The following RCAN2 variants were observed in gnomAD, a reference collection of about 807,000 sequenced individuals.
RCAN2 encodes the protein regulator of calcineurin 2.
RCAN2 carries 9 observed loss-of-function variants against 23.6 expected under a neutral mutation model. The ratio of observed to expected loss-of-function variants is 0.38; its 90% CI spans 0.23 to 0.67. The LOEUF is 0.67. Ranked by LOEUF, RCAN2 falls within the 30% of genes least tolerant of loss-of-function variation. RCAN2 has a pLI of 0.51. For missense variants in RCAN2, 273 were observed against 302.3 expected, an observed-to-expected ratio of 0.90 and a Z score of 0.72; for synonymous variants, 109 against 115.7, an observed-to-expected ratio of 0.94 and a Z score of 0.37.
At chr6:46,421,071 A>G (rs534919122) in intron 2 of RCAN2, among the ~76,000 whole-genome samples, 102 of 152,324 alleles carry the variant, frequency 6.7e-4, no homozygotes, top group African/African-American at 2.3e-3. Flanking sequence ...AGTTGTTTTG[A>G]TAATGAAATG....
intron 2 of RCAN2, among the ~76,000 whole-genome samples, chr6:46,296,281 C>T (rs968430695): frequency 2.0e-5 from 3 of 147,794 alleles, no homozygotes; most frequent in Non-Finnish European, 2.9e-5. Flanking sequence ...TTGACAATAC[C>T]ATGTTTCTGA....
At chr6:46,294,650 C>T (rs915295568) in intron 2 of RCAN2, among the ~76,000 whole-genome samples, 2 of 151,906 alleles carry the variant, frequency 1.3e-5, no homozygotes, top group Non-Finnish European at 2.9e-5. Flanking sequence ...GGGATAATGC[C>T]TTATGTGTTG....
At chr6:46,343,043 A>T (rs2150373927) in intron 2 of RCAN2, among the ~76,000 whole-genome samples, 1 of 152,334 alleles carries the variant, frequency 6.6e-6, no homozygotes, top group Non-Finnish European at 1.5e-5. Context: ...AAAGATATTA[A>T]TGCATAAATC....
intron 2 of RCAN2, among the ~76,000 whole-genome samples, chr6:46,342,076 C>T: frequency 6.6e-6 from 1 of 152,120 alleles, no homozygotes; most frequent in Admixed American, 6.5e-5. Context: ...AAATCACATT[C>T]CTCTTTGACT....
At chr6:46,226,183 C>T (rs562063464) in intron 4 of RCAN2, among the ~76,000 whole-genome samples, 44 of 152,316 alleles carry the variant, frequency 2.9e-4, no homozygotes, top group African/African-American at 1.0e-3. Context: ...ATTTTGGTTA[C>T]TGTAGACTTG....
intron 2 of RCAN2, among the ~76,000 whole-genome samples, chr6:46,363,798 C>T (rs966243564): frequency 2.1e-4 from 4 of 18,846 alleles, no homozygotes; most frequent in Admixed American, 9.4e-4. Context: ...TAATGATTCT[C>T]ATGCAAATAA....
At chr6:46,345,541 AT>A (rs1263934357) in intron 2 of RCAN2, among the ~76,000 whole-genome samples, 1 of 152,166 alleles carries the variant, frequency 6.6e-6, no homozygotes, top group Non-Finnish European at 1.5e-5. Context: ...AGGATCAAAA[AT>A]AATGTAAATA....
At chr6:46,270,076 G>C (rs1177923139) in intron 2 of RCAN2, among the ~76,000 whole-genome samples, 5 of 152,160 alleles carry the variant, frequency 3.3e-5, no homozygotes, top group Non-Finnish European at 7.4e-5. Context: ...GAGGATCTGG[G>C]CTGCTCATCA....
intron 2 of RCAN2, among the ~76,000 whole-genome samples, chr6:46,398,826 G>A (rs867162580): frequency 4.6e-5 from 7 of 151,828 alleles, no homozygotes; most frequent in African/African-American, 1.7e-4. Context: ...AGCATCTTCA[G>A]TCATTCCATA....
chr6:46,250,644 C>T (rs545839498), intron 2 of RCAN2, among the ~76,000 whole-genome samples: 1 of 152,280 alleles, frequency 6.6e-6, no homozygotes, highest in South Asian at 2.1e-4. Context: ...CAGGACCAGG[C>T]CAAAGTCCTT....
rs1250929588 is a variant in RCAN2 at position 46,316,409 on chromosome 6, C to A, written c.226-67513G>T. The stretch of plus-strand genomic sequence containing the variant: ...GGATCCTTGCTCAAGGTCACACTAT[C>A]AAGTGGCCTAGAGGTCAAGTAGAGA... On this transcript the variant is annotated intron_variant, in intron 2 of 4. Transcript: ENST00000371374. Among the ~76,000 whole-genome samples, 8 of 152,126 alleles carry A rather than the reference C, an allele frequency of 5.3e-5. No homozygotes were observed. The East Asian group carries it at 1.4e-3, about 26-fold the overall frequency.
At chr6:46,285,430 C>G (rs548075823) in intron 2 of RCAN2, among the ~76,000 whole-genome samples, 47 of 152,238 alleles carry the variant, frequency 3.1e-4, no homozygotes, top group African/African-American at 9.9e-4. Flanking sequence ...GTAAGAATTA[C>G]CTGGAGAGCT....
At chr6:46,269,103 C>A (rs1767438989) in intron 2 of RCAN2, among the ~76,000 whole-genome samples, 1 of 152,112 alleles carries the variant, frequency 6.6e-6, no homozygotes, top group Admixed American at 6.5e-5. Flanking sequence ...TTCATAGTTT[C>A]TTCACACTCA....
At chr6:46,248,353 C>T (rs75911856) in intron 3 of RCAN2, among the ~76,000 whole-genome samples, 12 of 152,118 alleles carry the variant, frequency 7.9e-5, no homozygotes, top group East Asian at 3.8e-4. Context: ...GCTGTGATTA[C>T]GTCATTCTTA....
At chr6:46,267,412 G>C (rs992113463) in intron 2 of RCAN2, among the ~76,000 whole-genome samples, 1 of 152,174 alleles carries the variant, frequency 6.6e-6, no homozygotes, top group Non-Finnish European at 1.5e-5. Context: ...TCGGTATGGT[G>C]GTTCACGCCT....
intron 2 of RCAN2, among the ~76,000 whole-genome samples, chr6:46,279,483 G>T (rs979628535): frequency 6.6e-6 from 1 of 152,168 alleles, no homozygotes; most frequent in African/African-American, 2.4e-5. Context: ...TCCACTAAAT[G>T]CCAGTAGCAT....
chr6:46,362,401 A>G (rs1765043946), intron 2 of RCAN2, among the ~76,000 whole-genome samples: 1 of 152,106 alleles, frequency 6.6e-6, no homozygotes, highest in Non-Finnish European at 1.5e-5. Context: ...GATATAACAT[A>G]TTATATATTG....
At chr6:46,338,042 C>A (rs928192943) in intron 2 of RCAN2, among the ~76,000 whole-genome samples, 3 of 152,314 alleles carry the variant, frequency 2.0e-5, no homozygotes, top group Non-Finnish European at 4.4e-5. Flanking sequence ...GGATGCTGGG[C>A]AGCACCCACC....
chr6:46,318,154 G>A (rs1230826432), intron 2 of RCAN2, among the ~76,000 whole-genome samples: 1 of 152,144 alleles, frequency 6.6e-6, no homozygotes. Flanking sequence ...AGTCCCCTGA[G>A]GTTAAATGTT....
Sources: gnomAD v4.1 joint callset for allele counts (sites outside exome capture counted in the v4.1 genomes callset) on GRCh38, gnomAD v4.1.1 for gene constraint, MANE v1.5 for transcripts, NCBI Gene and HGNC (gene_info 2026-07-23, HGNC 2026-07-21) for gene names.